Variants in FSTL4 observed in about 807,000 individuals in gnomAD.
FSTL4 encodes follistatin-related protein 4.
In FSTL4, 28 loss-of-function variants were observed where a neutral mutation model predicts 78.2. That is an observed-to-expected ratio of 0.36 (90% CI 0.27 to 0.49). FSTL4 has a LOEUF of 0.49. FSTL4 is among the 20% of genes least tolerant of loss of function. The probability of loss-of-function intolerance (pLI) is 0.98; values close to 1 mark genes in which losing one functional copy is unlikely to be tolerated. For synonymous variants in FSTL4, 422 were observed against 440.5 expected (o/e 0.96, Z 0.53); for missense variants, 922 against 1,084.9 (o/e 0.85, Z 2.11).
chr5:133,376,206 G>A (rs1188618733), intron 4 of FSTL4, among the ~76,000 whole-genome samples: 2 of 152,166 alleles, frequency 1.3e-5, no homozygotes, highest in Admixed American at 1.3e-4. Flanking sequence ...AAGACATTGT[G>A]GTATTGGTGC....
chr5:133,655,941 C>G, the FSTL4 span, among the ~76,000 whole-genome samples: 7 of 152,310 alleles, frequency 4.6e-5, no homozygotes, highest in Admixed American at 1.3e-4. Flanking sequence ...CTCAAGTTCA[C>G]AAAGCTAGTG....
At chr5:133,798,978 G>T in the FSTL4 span, among the ~76,000 whole-genome samples, 5 of 132,414 alleles carry the variant, frequency 3.8e-5, 1 homozygote, top group Non-Finnish European at 6.6e-5. Context: ...GGAAGGGAGG[G>T]AGGGAGGGAG....
chr5:133,211,503 T>G (rs549452346), intron 13 of FSTL4, among the ~76,000 whole-genome samples: 3 of 152,212 alleles, frequency 2.0e-5, no homozygotes, highest in African/African-American at 7.2e-5. Context: ...CCACTCATAT[T>G]CTAGTATTCT....
Position 133,225,797 on chromosome 5 carries a change from A to G in FSTL4, c.1038T>C (p.Tyr346=). 6.3e-7 allele frequency: 1 copy of G among 1,592,634 alleles called. No individual in the cohort carries two copies. The highest frequency in any genetic ancestry group is 8.5e-7 in the Non-Finnish European group (1 of 1,170,014). Residue 346 remains tyrosine (Y), a synonymous_variant, in exon 9 of 16, where the codon TAT becomes TAC. Coordinates refer to ENST00000265342, the MANE Select transcript of FSTL4 (RefSeq NM_015082.2). This position sits in a 1 kb window ranked among gnomAD's most constrained non-coding sequence, Gnocchi z 4.6. ...QVNVPPVIRV[Y]PESQAQEPGV... ...CAGGCTCCTGTGCCTGGCTCTCTGG[A>G]TAGACACGGATGACTGGCGGCACTG...
chr5:133,307,391 G>GC (rs1336274726), intron 6 of FSTL4, among the ~76,000 whole-genome samples: 2 of 152,184 alleles, frequency 1.3e-5, no homozygotes, highest in African/African-American at 2.4e-5. Context: ...TTGTTTAAAT[G>GC]CATGAGAAAG....
At chr5:133,397,167 T>C (rs1475549862) in intron 4 of FSTL4, among the ~76,000 whole-genome samples, 1 of 152,192 alleles carries the variant, frequency 6.6e-6, no homozygotes, top group Non-Finnish European at 1.5e-5. Context: ...AAAATGAGTT[T>C]AAAAGTGCCA....
intron 3 of FSTL4, among the ~76,000 whole-genome samples, chr5:133,407,103 G>A (rs1400775144): frequency 3.9e-5 from 6 of 152,206 alleles, no homozygotes; most frequent in African/African-American, 1.4e-4. Flanking sequence ...CAGGATGGCT[G>A]CTCCTCACCC....
At chr5:133,222,400 C>T (rs1751167620) in intron 11 of FSTL4, among the ~76,000 whole-genome samples, 1 of 152,110 alleles carries the variant, frequency 6.6e-6, no homozygotes, top group Admixed American at 6.5e-5. Context: ...CTGCCCTGAC[C>T]CCATCTATCT....
In FSTL4 at chr5:133,199,428, C is replaced by A; in HGVS notation, c.2196G>T (p.Ser732=). Residue 732 remains serine (S), a synonymous_variant, in exon 16 of 16, where the codon TCG becomes TCT. Transcript: ENST00000265342. The surrounding 1 kb of genome is among the most constrained non-coding windows in gnomAD (Gnocchi z 4.4). The part of the protein sequence containing the change: ...IQTLYDLQIN[S]GISDLAFQRS... ...GCTGGAAGGCCAAGTCTGAGATGCC[C>A]GAGTTTATTTGCAGGTCATACAGGG... 1 of 1,614,164 alleles carries A rather than the reference C, an allele frequency of 6.2e-7. No individual in the cohort carries two copies. The highest frequency in any genetic ancestry group is 8.5e-7 in the Non-Finnish European group (1 of 1,180,012).
intron 4 of FSTL4, among the ~76,000 whole-genome samples, chr5:133,374,786 G>T (rs1755392379): frequency 6.6e-6 from 1 of 152,016 alleles, no homozygotes; most frequent in African/African-American, 2.4e-5. Flanking sequence ...TGCAAACCAG[G>T]AAGAGGACCC....
chr5:133,534,936 A>G (rs1759322533), intron 3 of FSTL4, among the ~76,000 whole-genome samples: 1 of 152,250 alleles, frequency 6.6e-6, no homozygotes, highest in African/African-American at 2.4e-5. Context: ...AAGGGGTGCT[A>G]TGAACTGAAT....
At chr5:133,252,318 G>A (rs1401600423) in intron 6 of FSTL4, 3 of 152,210 alleles carry the variant, frequency 2.0e-5, no homozygotes, top group African/African-American at 7.2e-5. Context: ...GGGGCTCTTG[G>A]AGGCAGCAGC....
chr5:133,320,924 A>G (rs537040984), intron 4 of FSTL4, among the ~76,000 whole-genome samples: 27 of 150,306 alleles, frequency 1.8e-4, no homozygotes, highest in East Asian at 5.9e-4. Flanking sequence ...GGAGAATGGT[A>G]TGAACCCGGG....
intron 8 of FSTL4, among the ~76,000 whole-genome samples, chr5:133,227,133 A>G (rs1322468274): frequency 9.2e-5 from 14 of 152,240 alleles, no homozygotes; most frequent in Admixed American, 9.2e-4. Flanking sequence ...AATGGTCCAG[A>G]GCTGTTTCAA....
intron 4 of FSTL4, among the ~76,000 whole-genome samples, chr5:133,345,729 A>G (rs7713793): frequency 0.099 from 15,000 of 152,262 alleles, 971 homozygotes; most frequent in African/African-American, 0.17. Context: ...CGATCATTAA[A>G]AAGTCAGGAA....
the FSTL4 span, among the ~76,000 whole-genome samples, chr5:133,671,485 T>C: frequency 2.0e-5 from 3 of 152,232 alleles, no homozygotes; most frequent in Non-Finnish European, 2.9e-5. Context: ...TGCTTGTTCC[T>C]CAGTGCCATA....
chr5:133,560,599 T>G (rs1479479687), intron 3 of FSTL4, among the ~76,000 whole-genome samples: 1 of 151,912 alleles, frequency 6.6e-6, no homozygotes, highest in African/African-American at 2.4e-5. Context: ...CTCCTAACCT[T>G]GCAATCTGGC....
At chr5:133,266,311 A>G (rs1752639515) in intron 6 of FSTL4, among the ~76,000 whole-genome samples, 1 of 152,392 alleles carries the variant, frequency 6.6e-6, no homozygotes, top group African/African-American at 2.4e-5. Flanking sequence ...CAGACGGATT[A>G]GGAAGTTGTG....
At position 133,312,705 on chromosome 5, in the gene FSTL4, C is replaced by T. The variant is rs868167452; in HGVS notation, c.676G>A (p.Asp226Asn). 8.7e-6 allele frequency: 14 copies of T among 1,613,772 alleles called. No individual in the cohort carries two copies. Among genetic ancestry groups the T allele is most frequent in the African/African-American group, 4.0e-5 (3 of 74,916 alleles). The change falls in exon 6 of 16, where the codon GAT (aspartate) becomes AAT (asparagine). Residue 226 changes from aspartate to asparagine, a missense_variant. Asp to Asn is a conservative substitution (Grantham distance 23, BLOSUM62 1). Coordinates refer to ENST00000265342, the MANE Select transcript of FSTL4 (RefSeq NM_015082.2). ...GTCAGGGAGCTGTCACTGTTGTAAT[C>T]GTCAAATCGGAGGAGGTCACCTGGT... Reference protein sequence around the residue: ...CSPGDLLRFDDYNSDSSLTLR... With the variant: ...CSPGDLLRFDNYNSDSSLTLR...
Sources: gnomAD v4.1 joint callset for allele counts (sites outside exome capture counted in the v4.1 genomes callset) on GRCh38, gnomAD v4.1.1 for gene constraint, Gnocchi (gnomAD v3.1) non-coding constraint, MANE v1.5 for transcripts, NCBI Gene and HGNC (gene_info 2026-07-23, HGNC 2026-07-21) for gene names.